The following AGAP1 variants were observed in gnomAD, a reference collection of about 807,000 sequenced individuals.
AGAP1 encodes the protein arf-GAP with GTPase, ANK repeat and PH domain-containing protein 1.
AGAP1 carries 29 observed loss-of-function variants against 105.3 expected under a neutral mutation model. That is an observed-to-expected ratio of 0.28 (90% confidence interval 0.21 to 0.38). AGAP1 has a LOEUF of 0.38. Among genes scored for constraint, AGAP1 ranks in the 10% least tolerant of loss-of-function variants. AGAP1 has a pLI of 1.00. For synonymous variants in AGAP1, 509 were observed against 485.9 expected (o/e 1.05, Z -0.63); for missense variants, 998 against 1,165.1 (o/e 0.86, Z 2.09).
chr2:235,572,439 C>G (rs1944559107), intron 1 of AGAP1, among the ~76,000 whole-genome samples: 1 of 152,014 alleles, frequency 6.6e-6, no homozygotes. Flanking sequence ...CAGCAGGTTC[C>G]ACCACTGGGC....
Position 235,979,121 on chromosome 2 carries a change from G to T in AGAP1, c.1645+10498G>T, listed in dbSNP as rs1225770948. ...TGGATGACAGAAGTGTATTTGTGGG[G>T]TTTTTTTGTTGTTGTTTTTGTTTTT... On this transcript the variant is annotated intron_variant, in intron 13 of 17. Transcript: ENST00000304032. This position sits in a 1 kb window ranked among gnomAD's most constrained non-coding sequence, Gnocchi z 4.5. Among the ~76,000 whole-genome samples, 5 of 149,324 alleles carry T rather than the reference G, an allele frequency of 3.3e-5. No homozygotes were observed. The highest frequency in any genetic ancestry group is 7.4e-5 in the Non-Finnish European group (5 of 67,444).
Position 235,875,518 on chromosome 2 carries a change from A to C in AGAP1, c.1051-7827A>C, listed in dbSNP as rs936720011. Among the ~76,000 whole-genome samples the C allele has an allele frequency of 3.9e-5, 6 of 152,282 alleles. No homozygotes were observed. The East Asian group carries it at 1.2e-3, about 29-fold the overall frequency. The stretch of plus-strand genomic sequence containing the variant: ...CAGGTCGGTTTTGAGTCACGTGCTT[A>C]CTGTGTGTCGGAACACTTGTGCTTT... On this transcript the variant is annotated intron_variant, in intron 9 of 17. Coordinates refer to ENST00000304032, the MANE Select transcript of AGAP1 (RefSeq NM_001037131.3). The surrounding 1 kb of genome is among the most constrained non-coding windows in gnomAD (Gnocchi z 4.0).
chr2:235,849,358 C>G (rs192080670), intron 9 of AGAP1, among the ~76,000 whole-genome samples: 2 of 152,184 alleles, frequency 1.3e-5, no homozygotes, highest in African/African-American at 4.8e-5. Flanking sequence ...CTATAATTAA[C>G]TGGTTTTTTT....
In AGAP1 at chr2:235,818,094, C is replaced by T. The variant is rs1004058117; in HGVS notation, c.1050+10763C>T. ...TGCAATATTTACTCCCTAACCTTTC[C>T]TTCTGCTTAAAAACTCATCAGAATC... On this transcript the variant is annotated intron_variant, in intron 9 of 17. Transcript: ENST00000304032. 3.9e-5 allele frequency among the ~76,000 whole-genome samples: 6 copies of T among 152,334 alleles called. No homozygotes were observed. In the South Asian group the frequency reaches 1.2e-3, roughly 32 times the overall value.
intron 13 of AGAP1, among the ~76,000 whole-genome samples, chr2:235,969,151 GTCACAGC>G (rs2054532574): frequency 1.3e-5 from 2 of 152,142 alleles, no homozygotes; most frequent in African/African-American, 4.8e-5. Flanking sequence ...TATTCCAGTT[GTCACAGC>G]TCATTGTGAG....
rs546034999 is a variant in AGAP1 at position 235,720,313 on chromosome 2, G to T, written c.310+2669G>T. The stretch of plus-strand genomic sequence containing the variant: ...GAAGCTTTAGGTATAGAGTGTTGTG[G>T]GTTTGGGATATAATTTACTGTGTTG... On this transcript the variant is annotated intron_variant, in intron 3 of 17. Transcript: ENST00000304032. The surrounding 1 kb of genome is among the most constrained non-coding windows in gnomAD (Gnocchi z 5.0). Among the ~76,000 whole-genome samples, 109 of 152,270 alleles carry T rather than the reference G, an allele frequency of 7.2e-4. No homozygotes were observed. The highest frequency in any genetic ancestry group is 2.6e-3 in the African/African-American group (106 of 41,556).
chr2:236,024,565 A>G (rs1269723785), intron 13 of AGAP1, among the ~76,000 whole-genome samples: 1 of 152,158 alleles, frequency 6.6e-6, no homozygotes, highest in Non-Finnish European at 1.5e-5. Flanking sequence ...AACGGTTTTC[A>G]GCTGCTTTTA....
At chr2:235,767,951 T>C (rs1955111051) in intron 6 of AGAP1, among the ~76,000 whole-genome samples, 1 of 152,064 alleles carries the variant, frequency 6.6e-6, no homozygotes, top group East Asian at 1.9e-4. Context: ...CATGCCCGGC[T>C]AATTTCTGTA....
At chr2:236,011,314 A>G (rs1010484194) in intron 13 of AGAP1, among the ~76,000 whole-genome samples, 1 of 152,176 alleles carries the variant, frequency 6.6e-6, no homozygotes, top group Non-Finnish European at 1.5e-5. Context: ...GTTCCATTTA[A>G]TTTGCAGACT....
At chr2:235,594,889 T>G (rs1016222263) in intron 1 of AGAP1, among the ~76,000 whole-genome samples, 1 of 150,710 alleles carries the variant, frequency 6.6e-6, no homozygotes, top group South Asian at 2.1e-4. Flanking sequence ...TGCTGTTTTT[T>G]TTTTTTTTTT....
intron 11 of AGAP1, among the ~76,000 whole-genome samples, chr2:235,915,398 A>G (rs2317017): frequency 0.78 from 117,939 of 152,118 alleles, 45,836 homozygotes; most frequent in East Asian, 0.98. Flanking sequence ...TGTTTGGCCC[A>G]GCGCAGTGGC....
rs1430694405 is a variant in AGAP1, at chr2:236,038,088, TA to T, written c.1800+1377del. 1.3e-5 allele frequency among the ~76,000 whole-genome samples: 2 copies of T among 152,222 alleles called. No homozygotes were observed. Among genetic ancestry groups the T allele is most frequent in the Admixed American group, 6.5e-5 (1 of 15,282 alleles). On this transcript the variant is annotated intron_variant, in intron 14 of 17. Transcript: ENST00000304032. This position sits in a 1 kb window ranked among gnomAD's most constrained non-coding sequence, Gnocchi z 4.5. ...TTATAATGTAATTTGCTTCCCTTTT[TA>T]AAAGATGTTTTATACTCAAGGTGGG... is the stretch of plus-strand genomic sequence containing the variant.
chr2:235,827,061 G>A (rs921473314), intron 9 of AGAP1, among the ~76,000 whole-genome samples: 17 of 152,282 alleles, frequency 1.1e-4, no homozygotes, highest in South Asian at 4.2e-4. Context: ...ACCCCTGGGC[G>A]GGTTTGTAGT....
chr2:235,582,273 T>C lies in AGAP1; in HGVS notation c.163+87424T>C, dbSNP rs1227367562. 6.6e-6 allele frequency among the ~76,000 whole-genome samples: 1 copy of C among 152,182 alleles called. No homozygotes were observed. Among genetic ancestry groups the C allele is most frequent in the Non-Finnish European group, 1.5e-5 (1 of 68,032 alleles). On this transcript the variant is annotated intron_variant, in intron 1 of 17. Transcript: ENST00000304032. The surrounding 1 kb of genome is among the most constrained non-coding windows in gnomAD (Gnocchi z 4.7). ...GGTCCAGGAGTGTGCTGAGTCTTTC[T>C]ACCCCGCTGCGTGGTGCTGCCTGCC...
In AGAP1 at chr2:235,732,045, T is replaced by A. The variant is rs1951980224; in HGVS notation, c.311-8918T>A. 6.6e-6 allele frequency among the ~76,000 whole-genome samples: 1 copy of A among 152,218 alleles called. No homozygotes were observed. Among genetic ancestry groups the A allele is most frequent in the Non-Finnish European group, 1.5e-5 (1 of 68,042 alleles). On this transcript the variant is annotated intron_variant, in intron 3 of 17. Transcript: ENST00000304032. The surrounding 1 kb of genome is among the most constrained non-coding windows in gnomAD (Gnocchi z 4.8). The stretch of plus-strand genomic sequence containing the variant: ...TTCTGCAGACCTTGGTTTTCTCATC[T>A]TGAAAGTTGTGAATCTGTGTCACAT...
At chr2:235,616,993 A>G (rs1304976022) in intron 1 of AGAP1, among the ~76,000 whole-genome samples, 1 of 152,088 alleles carries the variant, frequency 6.6e-6, no homozygotes, top group East Asian at 1.9e-4. Context: ...AAAGAGTTGA[A>G]AAGTCAAAGT....
intron 1 of AGAP1, among the ~76,000 whole-genome samples, chr2:235,521,929 A>C (rs1010998792): frequency 6.6e-6 from 1 of 152,206 alleles, no homozygotes. Flanking sequence ...CCAAATTCCC[A>C]TCCATAATAA....
chr2:235,740,915 T>C lies in AGAP1; in HGVS notation c.311-48T>C, dbSNP rs774722090. 24 of 1,612,648 alleles carry C rather than the reference T, an allele frequency of 1.5e-5. No individual in the cohort carries two copies. In the South Asian group the frequency reaches 2.4e-4, roughly 16 times the overall value. ...CGAAGCCCACGTCTGTCTGCCCTCC[T>C]CACTCTCTGTTGTTCTCGTGTAACG... On this transcript the variant is annotated intron_variant, in intron 3 of 17. Coordinates refer to ENST00000304032, the MANE Select transcript of AGAP1 (RefSeq NM_001037131.3). This position sits in a 1 kb window ranked among gnomAD's most constrained non-coding sequence, Gnocchi z 5.7.
At position 235,608,392 on chromosome 2, in the gene AGAP1, G is replaced by A. The variant is rs1946018702; in HGVS notation, c.164-100787G>A. Among the ~76,000 whole-genome samples, 5 of 152,210 alleles carry A rather than the reference G, an allele frequency of 3.3e-5. No individual in the cohort carries two copies. Among genetic ancestry groups the A allele is most frequent in the Admixed American group, 1.3e-4 (2 of 15,286 alleles). On this transcript the variant is annotated intron_variant, in intron 1 of 17. Coordinates refer to ENST00000304032, the MANE Select transcript of AGAP1 (RefSeq NM_001037131.3). The surrounding 1 kb of genome is among the most constrained non-coding windows in gnomAD (Gnocchi z 5.4). ...GGAGACTAGCTGAGAGGGCTTGGCT[G>A]GGATTCTGTGGGATGGGGCCTTCAG...
Sources: allele counts gnomAD v4.1 joint callset (sites outside exome capture counted in the v4.1 genomes callset), GRCh38; gene constraint gnomAD v4.1.1; non-coding constraint Gnocchi (gnomAD v3.1); transcripts MANE v1.5; gene names NCBI Gene and HGNC (gene_info 2026-07-23, HGNC 2026-07-21).